The following TGFBRAP1 variants were observed in gnomAD, a reference collection of about 807,000 sequenced individuals.
TGFBRAP1 encodes the protein transforming growth factor-beta receptor-associated protein 1.
In TGFBRAP1, 20 loss-of-function variants were observed where a neutral mutation model predicts 83.2. The ratio of observed to expected loss-of-function variants is 0.24; its 90% CI spans 0.17 to 0.35. The LOEUF (loss-of-function observed/expected upper bound fraction) is 0.35, where lower values mean the gene tolerates loss of function less well. TGFBRAP1 is among the 10% of genes least tolerant of loss of function. The pLI is 1.00. For missense variants in TGFBRAP1, 950 were observed against 1,099.4 expected, an observed-to-expected ratio of 0.86 and a Z score of 1.92; for synonymous variants, 415 against 459.8, an observed-to-expected ratio of 0.90 and a Z score of 1.25.
intron 6 of TGFBRAP1, 56 bp from the exon 7 acceptor site, chr2:105,277,727 C>T: frequency 6.5e-7 from 1 of 1,535,644 alleles, no homozygotes; most frequent in Admixed American, 1.7e-5. Flanking sequence ...CTGGAGGCGA[C>T]CTTCACACAG....
chr2:105,270,284 A>G (rs944847972), intron 10 of TGFBRAP1, among the ~76,000 whole-genome samples: 2 of 152,184 alleles, frequency 1.3e-5, no homozygotes, highest in African/African-American at 4.8e-5. Flanking sequence ...TTCACCTGCA[A>G]TTAAGCTTCC....
At chr2:105,278,675 T>C (rs1380005899) in intron 6 of TGFBRAP1, among the ~76,000 whole-genome samples, 3 of 152,186 alleles carry the variant, frequency 2.0e-5, no homozygotes, top group Non-Finnish European at 2.9e-5. Flanking sequence ...GCCACACTCC[T>C]GGTCCTCCTT....
intron 4 of TGFBRAP1, among the ~76,000 whole-genome samples, chr2:105,285,159 T>C (rs1156268477): frequency 1.3e-5 from 2 of 152,232 alleles, no homozygotes; most frequent in Non-Finnish European, 2.9e-5. Flanking sequence ...GCCAACACCA[T>C]AGCCCAGGCT....
chr2:105,304,541 G>A (rs964837076), intron 2 of TGFBRAP1, among the ~76,000 whole-genome samples: 1 of 152,212 alleles, frequency 6.6e-6, no homozygotes, highest in Non-Finnish European at 1.5e-5. Context: ...CCAGCACTTT[G>A]GGAGGCCGAG....
chr2:105,301,845 C>T (rs1678305532), intron 2 of TGFBRAP1, among the ~76,000 whole-genome samples: 1 of 152,056 alleles, frequency 6.6e-6, no homozygotes, highest in African/African-American at 2.4e-5. Flanking sequence ...CTCAAGCGGT[C>T]CTCCTGCCTC....
At chr2:105,311,699 G>T (rs1436491439) in intron 1 of TGFBRAP1, among the ~76,000 whole-genome samples, 2 of 152,112 alleles carry the variant, frequency 1.3e-5, no homozygotes, top group East Asian at 3.9e-4. Flanking sequence ...AGGAGTTCAA[G>T]ACCAGCCTGC....
chr2:105,326,943 T>C (rs1323576160), intron 1 of TGFBRAP1, among the ~76,000 whole-genome samples: 1 of 152,200 alleles, frequency 6.6e-6, no homozygotes, highest in Non-Finnish European at 1.5e-5. Flanking sequence ...CCAAATTAAG[T>C]TGTTACTCTA....
chr2:105,302,287 C>T (rs1026772805), intron 2 of TGFBRAP1, among the ~76,000 whole-genome samples: 3 of 152,138 alleles, frequency 2.0e-5, no homozygotes, highest in Non-Finnish European at 2.9e-5. Flanking sequence ...GGGAGACTAT[C>T]GCAATACCTC....
At position 105,293,688 on chromosome 2, in the gene TGFBRAP1, C is replaced by CT. The variant is rs979911353; in HGVS notation, c.1038+2667dup. The stretch of plus-strand genomic sequence containing the variant: ...CATTTATGAAAAGTCATTTCTAAAC[C>CT]TTTTTTTTGCATCAATATTGTTTTA... On this transcript the variant is annotated intron_variant, in intron 4 of 11. Coordinates refer to ENST00000393359, the MANE Select transcript of TGFBRAP1 (RefSeq NM_004257.6). 1.4e-3 allele frequency among the ~76,000 whole-genome samples: 219 copies of CT among 151,970 alleles called. 1 individual carries two copies. Among genetic ancestry groups the CT allele is most frequent in the Middle Eastern group, 6.8e-3 (2 of 294 alleles).
intron 4 of TGFBRAP1, among the ~76,000 whole-genome samples, chr2:105,290,325 C>T (rs181427287): frequency 1.9e-3 from 286 of 152,250 alleles, no homozygotes; most frequent in African/African-American, 6.5e-3. Flanking sequence ...TCTCAGCCTC[C>T]CAAAGTGCTG....
At chr2:105,277,712 A>T (rs764511440) in intron 6 of TGFBRAP1, 41 bp from the exon 7 acceptor site, 5 of 1,600,284 alleles carry the variant, frequency 3.1e-6, no homozygotes, top group Non-Finnish European at 4.3e-6. Context: ...TCTCCCCATC[A>T]GCTCCTGGAG....
chr2:105,283,011 A>ATC (rs1307116054), intron 5 of TGFBRAP1, among the ~76,000 whole-genome samples: 4 of 152,172 alleles, frequency 2.6e-5, no homozygotes, highest in African/African-American at 9.7e-5. Flanking sequence ...TCTGTGGACA[A>ATC]TCACCTAATG....
At chr2:105,281,697 T>C (rs912360197) in intron 5 of TGFBRAP1, among the ~76,000 whole-genome samples, 1 of 152,112 alleles carries the variant, frequency 6.6e-6, no homozygotes, top group Non-Finnish European at 1.5e-5. Flanking sequence ...GCCTCAAGCA[T>C]CCCTCCCACA....
chr2:105,323,892 T>C (rs921745632), intron 1 of TGFBRAP1, among the ~76,000 whole-genome samples: 1 of 152,144 alleles, frequency 6.6e-6, no homozygotes, highest in African/African-American at 2.4e-5. Flanking sequence ...GTGAAGGTGA[T>C]TGTCAGAGAG....
chr2:105,251,118 G>A, the TGFBRAP1 span, among the ~76,000 whole-genome samples: 402 of 151,974 alleles, frequency 2.6e-3, 1 homozygote, highest in Middle Eastern at 6.8e-3. Context: ...GCCGCCCATC[G>A]TCTGAGATGT....
intron 10 of TGFBRAP1, among the ~76,000 whole-genome samples, chr2:105,270,694 C>T (rs931784165): frequency 6.6e-6 from 1 of 152,224 alleles, no homozygotes; most frequent in South Asian, 2.1e-4. Context: ...CTGCAAGGTA[C>T]ATCCCTTATA....
At chr2:105,279,992 C>A (rs1458156157) in intron 6 of TGFBRAP1, among the ~76,000 whole-genome samples, 1 of 151,082 alleles carries the variant, frequency 6.6e-6, no homozygotes, top group Admixed American at 6.6e-5. Flanking sequence ...GAGCTGAGAT[C>A]ACACCACTGT....
the TGFBRAP1 span, among the ~76,000 whole-genome samples, chr2:105,257,937 C>T: frequency 6.6e-6 from 1 of 152,122 alleles, no homozygotes; most frequent in Non-Finnish European, 1.5e-5. Context: ...TTGCACAATG[C>T]CTGGCACACT....
At chr2:105,295,064 T>C (rs1409092414) in intron 4 of TGFBRAP1, among the ~76,000 whole-genome samples, 3 of 152,212 alleles carry the variant, frequency 2.0e-5, no homozygotes, top group Non-Finnish European at 4.4e-5. Flanking sequence ...AGCTTTCTTC[T>C]TTTTGCCTTT....
Sources: allele counts gnomAD v4.1 joint callset (sites outside exome capture counted in the v4.1 genomes callset), GRCh38; gene constraint gnomAD v4.1.1; transcripts MANE v1.5; gene names NCBI Gene and HGNC (gene_info 2026-07-23, HGNC 2026-07-21).